Variants in ST6GAL1 observed in about 807,000 individuals in gnomAD.
ST6GAL1 encodes ST6 beta-galactoside alpha-2,6-sialyltransferase 1, also known as beta-galactoside alpha-2,6-sialyltransferase 1.
ST6GAL1 carries 20 observed loss-of-function variants against 38.0 expected under a neutral mutation model. The observed-to-expected ratio is 0.53, with a 90% CI of 0.37 to 0.77. ST6GAL1 has a LOEUF of 0.77. Ranked by LOEUF, ST6GAL1 falls within the 30% of genes least tolerant of loss-of-function variation. The probability of loss-of-function intolerance (pLI) is 0.00; values close to 1 mark genes in which losing one functional copy is unlikely to be tolerated. For missense variants in ST6GAL1, 432 were observed against 496.4 expected (o/e 0.87, Z 1.23); for synonymous variants, 196 against 188.2 (o/e 1.04, Z -0.34).
In ST6GAL1 at chr3:187,043,164, A is replaced by G; in HGVS notation, c.461A>G (p.Glu154Gly). ...GACCATGTGAATGTATCCATGGTAG[A>G]GGTCACAGATTTTCCCTTCAATACC... is the stretch of plus-strand genomic sequence containing the variant. ...LRDHVNVSMV[E>G]VTDFPFNTSE... The change falls in exon 4 of 8, where the codon GAG becomes GGG. Residue 154 changes from glutamate (E) to glycine (G), a missense_variant. Physicochemically the swap from Glu to Gly is moderately conservative, Grantham distance 98 (BLOSUM62 -2). Transcript: ENST00000169298. 6.2e-7 allele frequency: 1 copy of G among 1,614,224 alleles called. No individual in the cohort carries two copies. Among genetic ancestry groups the G allele is most frequent in the Non-Finnish European group, 8.5e-7 (1 of 1,180,028 alleles).
At chr3:186,938,963 T>A (rs1714063300) in intron 1 of ST6GAL1, among the ~76,000 whole-genome samples, 1 of 152,024 alleles carries the variant, frequency 6.6e-6, no homozygotes, top group African/African-American at 2.4e-5. Flanking sequence ...TGTGTGTGTA[T>A]GTGTGTGTAG....
intron 5 of ST6GAL1, among the ~76,000 whole-genome samples, chr3:187,066,863 A>C (rs1446425900): frequency 6.6e-6 from 1 of 152,010 alleles, no homozygotes; most frequent in Non-Finnish European, 1.5e-5. Flanking sequence ...CCTGCAGGTA[A>C]GTACAGGCGT....
At chr3:186,990,503 TTGA>T (rs1334315274) in intron 2 of ST6GAL1, among the ~76,000 whole-genome samples, 1 of 152,168 alleles carries the variant, frequency 6.6e-6, no homozygotes, top group Admixed American at 6.5e-5. Context: ...ATTGATAGAC[TTGA>T]TGACTATATT....
chr3:187,058,390 A>T (rs1257576165), intron 5 of ST6GAL1, among the ~76,000 whole-genome samples: 1 of 152,158 alleles, frequency 6.6e-6, no homozygotes, highest in Non-Finnish European at 1.5e-5. Context: ...TCGCGCTGGG[A>T]GCTGCAGACC....
intron 2 of ST6GAL1, among the ~76,000 whole-genome samples, chr3:186,992,083 A>T (rs1310999865): frequency 6.6e-6 from 1 of 152,104 alleles, no homozygotes; most frequent in Non-Finnish European, 1.5e-5. Flanking sequence ...TCCCGCCATA[A>T]ATACCTTCCA....
chr3:186,987,157 G>GGAGT lies in ST6GAL1; in HGVS notation c.-183+23234_-183+23235insTGAG, dbSNP rs771343088. 3.8e-3 allele frequency among the ~76,000 whole-genome samples: 468 copies of GGAGT among 123,350 alleles called. 1 individual carries two copies. The highest frequency in any genetic ancestry group is 6.1e-3 in the Admixed American group (63 of 10,354). The allele number at this position is 123,350 out of a possible 152,430, so 80.9% of individuals were successfully genotyped here. Reference sequence around the variant, plus strand: ...GGAAAGAAAGAAGGAAGGGAGGGAGGGAGGAAGAAAGAGAAAGAGAGACAG... The same window carrying GGAGT: ...GGAAAGAAAGAAGGAAGGGAGGGAGGGAGTGAGGAAGAAAGAGAAAGAGAGACAG... On this transcript the variant is annotated intron_variant, in intron 2 of 7. Coordinates refer to ENST00000169298, the MANE Select transcript of ST6GAL1 (RefSeq NM_173216.2).
chr3:186,999,750 G>A lies in ST6GAL1; in HGVS notation c.-183+35824G>A, dbSNP rs1012261571. Among the ~76,000 whole-genome samples the A allele has an allele frequency of 5.9e-5, 9 of 152,222 alleles. No individual in the cohort carries two copies. The East Asian group carries it at 1.5e-3, about 26-fold the overall frequency. ...AATGGAGGGTAAGTGGAGTAGGAGG[G>A]CCATGTGCGTGCTCTGGGGGCAACA... is the stretch of plus-strand genomic sequence containing the variant. On this transcript the variant is annotated intron_variant, in intron 2 of 7. Coordinates refer to ENST00000169298, the MANE Select transcript of ST6GAL1 (RefSeq NM_173216.2).
intron 2 of ST6GAL1, among the ~76,000 whole-genome samples, chr3:187,004,538 G>A (rs1159551679): frequency 1.3e-5 from 2 of 152,210 alleles, no homozygotes; most frequent in Non-Finnish European, 2.9e-5. Context: ...AGGAGGAAGG[G>A]AAGAAAACAG....
chr3:186,960,947 C>T (rs1714914093), intron 1 of ST6GAL1, among the ~76,000 whole-genome samples: 1 of 150,660 alleles, frequency 6.6e-6, no homozygotes, highest in South Asian at 2.1e-4. Flanking sequence ...TCCATAGAGT[C>T]CCTGTAGCTC....
chr3:187,030,578 C>T (rs559268711), intron 2 of ST6GAL1, among the ~76,000 whole-genome samples: 27 of 152,190 alleles, frequency 1.8e-4, no homozygotes, highest in African/African-American at 4.8e-4. Flanking sequence ...GGATTACAGG[C>T]GCCCGCCACC....
intron 2 of ST6GAL1, among the ~76,000 whole-genome samples, chr3:187,013,679 G>A (rs1196313236): frequency 6.6e-6 from 1 of 152,144 alleles, no homozygotes; most frequent in African/African-American, 2.4e-5. Flanking sequence ...CCACCTCCTG[G>A]GTTCAAGCTA....
rs58623543 is a variant in ST6GAL1, at chr3:186,980,766, C to CAA, written c.-183+16856_-183+16857dup. The stretch of plus-strand genomic sequence containing the variant: ...AGCCTGGGTGACAGAGACTCCATCT[C>CAA]AAAAAAAAAAAAAAAAAGATAGAAG... On this transcript the variant is annotated intron_variant, in intron 2 of 7. Transcript: ENST00000169298. Among the ~76,000 whole-genome samples, 986 of 121,400 alleles carry CAA rather than the reference C, an allele frequency of 8.1e-3. 14 individuals carry two copies. Among genetic ancestry groups the CAA allele is most frequent in the Middle Eastern group, 0.026 (6 of 230 alleles). 79.6% of individuals were successfully genotyped at this position (121,400 alleles called of 152,430 possible). A position where few individuals can be genotyped will look rare whatever the true frequency, so the allele number is the denominator to read the frequency against.
chr3:187,032,864 C>T (rs1228887946), intron 2 of ST6GAL1, among the ~76,000 whole-genome samples: 1 of 152,126 alleles, frequency 6.6e-6, no homozygotes, highest in East Asian at 1.9e-4. Context: ...GCCTGCCTTC[C>T]TCCTGGTCAT....
At chr3:186,938,951 T>C (rs753732420) in intron 1 of ST6GAL1, among the ~76,000 whole-genome samples, 10 of 151,968 alleles carry the variant, frequency 6.6e-5, no homozygotes, top group Admixed American at 1.3e-4. Context: ...GTCATGGGAC[T>C]GTGTGTGTGT....
chr3:187,055,462 T>A (rs1718666105), intron 5 of ST6GAL1, among the ~76,000 whole-genome samples: 1 of 152,224 alleles, frequency 6.6e-6, no homozygotes, highest in South Asian at 2.1e-4. Context: ...AATTTCCCTC[T>A]ACACATGGCT....
chr3:187,073,143 C>T lies in ST6GAL1; in HGVS notation c.804+196C>T, dbSNP rs112130137. ...GTCCTATACCAGCTACTCTCTTTGC[C>T]GTGCCAGCACTGCCAGGTATTGTCT... On this transcript the variant is annotated intron_variant, in intron 6 of 7. Coordinates refer to ENST00000169298, the MANE Select transcript of ST6GAL1 (RefSeq NM_173216.2). 2.6e-4 allele frequency among the ~76,000 whole-genome samples: 40 copies of T among 152,296 alleles called. 2 individuals carry two copies. The highest frequency in any genetic ancestry group is 7.7e-4 in the African/African-American group (32 of 41,554).
intron 2 of ST6GAL1, among the ~76,000 whole-genome samples, chr3:187,028,162 G>C (rs1198343275): frequency 6.6e-6 from 1 of 152,196 alleles, no homozygotes; most frequent in Non-Finnish European, 1.5e-5. Context: ...GTAAAGGAAA[G>C]AGAAATAAGG....
chr3:187,046,660 C>A (rs1394503917), intron 4 of ST6GAL1, among the ~76,000 whole-genome samples: 1 of 152,142 alleles, frequency 6.6e-6, no homozygotes, highest in Non-Finnish European at 1.5e-5. Context: ...TCAAAGTCTG[C>A]AGAGGTGGGA....
At chr3:187,022,532 C>T (rs1161442522) in intron 2 of ST6GAL1, among the ~76,000 whole-genome samples, 2 of 152,104 alleles carry the variant, frequency 1.3e-5, no homozygotes, top group Admixed American at 1.3e-4. Flanking sequence ...TCCTTGGAGC[C>T]TCATAGATAG....
Sources: gnomAD v4.1 joint callset for allele counts (sites outside exome capture counted in the v4.1 genomes callset) on GRCh38, gnomAD v4.1.1 for gene constraint, MANE v1.5 for transcripts, NCBI Gene and HGNC (gene_info 2026-07-23, HGNC 2026-07-21) for gene names.